TLX3: variants seen among roughly 807,000 people sequenced by gnomAD.
TLX3 encodes T-cell leukemia homeobox protein 3.
In TLX3, 11 loss-of-function variants were observed where a neutral mutation model predicts 19.6. The observed-to-expected ratio is 0.56, with a 90% CI of 0.35 to 0.93. The LOEUF (loss-of-function observed/expected upper bound fraction) is 0.93, where lower values mean the gene tolerates loss of function less well. Among genes scored for constraint, TLX3 ranks in the 40% least tolerant of loss-of-function variants. The pLI is 0.01. For synonymous variants in TLX3, 221 were observed against 188.1 expected (o/e 1.17, Z -1.43); for missense variants, 375 against 418.6 (o/e 0.90, Z 0.91).
Position 171,311,755 on chromosome 5 carries a change from G to T in TLX3, c.*156G>T. ...GCGCGGCCACAGACTGGCGGGCCGC[G>T]GAAGGGGGTAGGGCCCGAGCTCCGC... On this transcript the variant is annotated 3_prime_UTR_variant, in exon 3 of 3. Transcript: ENST00000296921. The surrounding 1 kb of genome is among the most constrained non-coding windows in gnomAD (Gnocchi z 5.1). The T allele has an allele frequency of 3.8e-6, 2 of 524,548 alleles. No individual in the cohort carries two copies. The highest frequency in any genetic ancestry group is 6.5e-6 in the Non-Finnish European group (2 of 308,500). 32.5% of individuals were successfully genotyped at this position (524,548 alleles called of 1,614,324 possible).
Position 171,311,638 on chromosome 5 carries a change from C to G in TLX3, c.*39C>G, listed in dbSNP as rs1178207943. 1.3e-6 allele frequency: 2 copies of G among 1,529,540 alleles called. No homozygotes were observed. The highest frequency in any genetic ancestry group is 1.9e-5 in the Admixed American group (1 of 53,930). The allele number at this position is 1,529,540 out of a possible 1,614,324, so 94.7% of individuals were successfully genotyped here. A position where few individuals can be genotyped will look rare whatever the true frequency, so the allele number is the denominator to read the frequency against. ...CACCGTCGCCACGGATCGCCGCCCC[C>G]ACCCAGCCGGGCGCCCCGGACCCCC... On this transcript the variant is annotated 3_prime_UTR_variant, in exon 3 of 3. Transcript: ENST00000296921. This position sits in a 1 kb window ranked among gnomAD's most constrained non-coding sequence, Gnocchi z 5.1.
chr5:171,309,302 G>T lies in TLX3; in HGVS notation c.-64G>T. 4 of 1,371,588 alleles carry T rather than the reference G, an allele frequency of 2.9e-6. No individual in the cohort carries two copies. Among genetic ancestry groups the T allele is most frequent in the Non-Finnish European group, 3.8e-6 (4 of 1,044,384 alleles). 85.0% of individuals were successfully genotyped at this position (1,371,588 alleles called of 1,614,324 possible). ...GAGAGGCGCCGGGCGCTCCATGGCC[G>T]CGCCGTAACGGGGACCCAGCCGCCT... On this transcript the variant is annotated 5_prime_UTR_variant, in exon 1 of 3. Transcript: ENST00000296921.
chr5:171,311,725 C>A lies in TLX3; in HGVS notation c.*126C>A, dbSNP rs572825290. 5.9e-6 allele frequency: 4 copies of A among 677,776 alleles called. No individual in the cohort carries two copies. The East Asian group carries it at 1.3e-4, about 23-fold the overall frequency. The allele number at this position is 677,776 out of a possible 1,614,324, so 42.0% of individuals were successfully genotyped here. ...AGGGGCCGCCTAGCCCGAGTAGGCC[C>A]CAGGGCGCGGCCACAGACTGGCGGG... On this transcript the variant is annotated 3_prime_UTR_variant, in exon 3 of 3. Coordinates refer to ENST00000296921, the MANE Select transcript of TLX3 (RefSeq NM_021025.4). The surrounding 1 kb of genome is among the most constrained non-coding windows in gnomAD (Gnocchi z 5.1).
chr5:171,309,864 C>T (rs1458053486), intron 1 of TLX3, 78 bp downstream of exon 1: 4 of 1,460,898 alleles, frequency 2.7e-6, no homozygotes, highest in Non-Finnish European at 3.6e-6. Flanking sequence ...CGCTCCACTC[C>T]CGGAAACCAT....
In TLX3 at chr5:171,309,380, C is replaced by A; in HGVS notation, c.15C>A (p.Ala5=). The change falls in exon 1 of 3, where the codon GCC becomes GCA. Residue 5 remains alanine (A), a synonymous_variant. Coordinates refer to ENST00000296921, the MANE Select transcript of TLX3 (RefSeq NM_021025.4). MEAP[A]SAQTPHPHEP... ...GCCCGCCCAGGATGGAGGCGCCCGC[C>A]AGCGCGCAGACCCCGCACCCGCACG... 6.3e-7 allele frequency: 1 copy of A among 1,599,236 alleles called. No homozygotes were observed. Among genetic ancestry groups the A allele is most frequent in the Non-Finnish European group, 8.5e-7 (1 of 1,174,966 alleles).
At position 171,311,216 on chromosome 5, in the gene TLX3, A is replaced by T. The variant is rs1385413226; in HGVS notation, c.666-173A>T. ...CACACAACAAAAACAAATGATCCTAACCGGCTCCCTGGATATAAGAGCCTC... is the reference window on the plus strand; with the variant it reads ...CACACAACAAAAACAAATGATCCTATCCGGCTCCCTGGATATAAGAGCCTC... On this transcript the variant is annotated intron_variant, in intron 2 of 2. Coordinates refer to ENST00000296921, the MANE Select transcript of TLX3 (RefSeq NM_021025.4). This position sits in a 1 kb window ranked among gnomAD's most constrained non-coding sequence, Gnocchi z 5.1. Among the ~76,000 whole-genome samples the T allele has an allele frequency of 1.3e-5, 2 of 151,964 alleles. No homozygotes were observed. The highest frequency in any genetic ancestry group is 4.8e-5 in the African/African-American group (2 of 41,400).
In TLX3 at chr5:171,311,422, G is replaced by T. The variant is rs1769219420; in HGVS notation, c.699G>T (p.Arg233=). The T allele has an allele frequency of 6.4e-7, 1 of 1,565,204 alleles. No individual in the cohort carries two copies. Among genetic ancestry groups the T allele is most frequent in the Non-Finnish European group, 8.6e-7 (1 of 1,156,186 alleles). ...RQTAEEREAE[R]QQASRLMLQL... ...CGGCGGAGGAGCGGGAGGCGGAGCG[G>T]CAGCAGGCGAGCCGGCTCATGCTGC... The change falls in exon 3 of 3, where the codon CGG becomes CGT. Residue 233 remains arginine (R), a synonymous_variant. Transcript: ENST00000296921. This position sits in a 1 kb window ranked among gnomAD's most constrained non-coding sequence, Gnocchi z 5.1.
chr5:171,309,301 C>A lies in TLX3; in HGVS notation c.-65C>A. Reference sequence around the variant, plus strand: ...CGAGAGGCGCCGGGCGCTCCATGGCCGCGCCGTAACGGGGACCCAGCCGCC... The same window carrying A: ...CGAGAGGCGCCGGGCGCTCCATGGCAGCGCCGTAACGGGGACCCAGCCGCC... On this transcript the variant is annotated 5_prime_UTR_variant, in exon 1 of 3. Transcript: ENST00000296921. The A allele has an allele frequency of 7.3e-7, 1 of 1,367,636 alleles. No homozygotes were observed. Among genetic ancestry groups the A allele is most frequent in the Non-Finnish European group, 9.6e-7 (1 of 1,040,562 alleles). The allele number at this position is 1,367,636 out of a possible 1,614,324, so 84.7% of individuals were successfully genotyped here.
At chr5:171,310,544 T>C (rs567590141) in intron 2 of TLX3, 151 bp downstream of exon 2, 2 of 971,770 alleles carry the variant, frequency 2.1e-6, no homozygotes, top group Admixed American at 3.4e-5. Flanking sequence ...CCTTCGCAGA[T>C]TGTACCTCTT....
Position 171,309,499 on chromosome 5 carries a change from G to A in TLX3, c.134G>A (p.Gly45Glu), listed in dbSNP as rs1321591895. The A allele has an allele frequency of 6.3e-7, 1 of 1,579,278 alleles. No homozygotes were observed. Among genetic ancestry groups the A allele is most frequent in the Admixed American group, 1.8e-5 (1 of 54,636 alleles). Residue 45 changes from glycine (G) to glutamate (E), a missense_variant, in exon 1 of 3, where the codon GGA (glycine) becomes GAA (glutamate). Gly to Glu is a moderately conservative substitution (Grantham distance 98). Transcript: ENST00000296921. Reference sequence around the variant, plus strand: ...GGCCCCGACGGCGCCAGCTACCTGGGAGGGCCCCCCGGGGGCCGTCCGGGC... The same window carrying A: ...GGCCCCGACGGCGCCAGCTACCTGGAAGGGCCCCCCGGGGGCCGTCCGGGC... ...PRGPDGASYL[G>E]GPPGGRPGAT...
chr5:171,311,574 T>C lies in TLX3; in HGVS notation c.851T>C (p.Val284Ala). 6.2e-7 allele frequency: 1 copy of C among 1,611,600 alleles called. No individual in the cohort carries two copies. Among genetic ancestry groups the C allele is most frequent in the Non-Finnish European group, 8.5e-7 (1 of 1,179,094 alleles). Residue 284 changes from valine to alanine, a missense_variant, in exon 3 of 3, where the codon GTT becomes GCT. Around this residue, in one of 3 missense-constraint regions of TLX3, gnomAD observed 62 missense variants for 63.1 expected, o/e 0.98. Coordinates refer to ENST00000296921, the MANE Select transcript of TLX3 (RefSeq NM_021025.4). The surrounding 1 kb of genome is among the most constrained non-coding windows in gnomAD (Gnocchi z 5.1). ...CCCTGGGAGGAGGATAGTTCCAAGG[T>C]TCCCGCTGTCACCTCCCTGGTGTGA... is the stretch of plus-strand genomic sequence containing the variant. ...LQPWEEDSSK[V>A]PAVTSLV
intron 2 of TLX3, among the ~76,000 whole-genome samples, chr5:171,310,594 C>T (rs187364485): frequency 5.3e-5 from 8 of 150,158 alleles, no homozygotes; most frequent in East Asian, 2.0e-4. Flanking sequence ...CTCTCTCCAT[C>T]GTGGTCTCCC....
Position 171,311,597 on chromosome 5 carries a change from T to C in TLX3, c.874T>C (p.Ter292ArgextTer80). 1 of 1,605,300 alleles carries C rather than the reference T, an allele frequency of 6.2e-7. No homozygotes were observed. Among genetic ancestry groups the C allele is most frequent in the Non-Finnish European group, 8.5e-7 (1 of 1,175,786 alleles). ...GGTTCCCGCTGTCACCTCCCTGGTG[T>C]GAGCCCACCAGCGCGCACCGTCGCC... ...SKVPAVTSLV* is the reference protein window; with the variant it reads ...SKVPAVTSLVR Residue 292 changes from the stop codon to arginine (R), a stop_lost, in exon 3 of 3, where the codon TGA (stop) becomes CGA (arginine). Coordinates refer to ENST00000296921, the MANE Select transcript of TLX3 (RefSeq NM_021025.4). This position sits in a 1 kb window ranked among gnomAD's most constrained non-coding sequence, Gnocchi z 5.1.
Position 171,311,878 on chromosome 5 carries a change from C to T in TLX3, c.*279C>T. 1 of 290,992 alleles carries T rather than the reference C, an allele frequency of 3.4e-6. No homozygotes were observed. 18.0% of individuals were successfully genotyped at this position (290,992 alleles called of 1,614,324 possible). A position where few individuals can be genotyped will look rare whatever the true frequency, so the allele number is the denominator to read the frequency against. On this transcript the variant is annotated 3_prime_UTR_variant, in exon 3 of 3. Coordinates refer to ENST00000296921, the MANE Select transcript of TLX3 (RefSeq NM_021025.4). This position sits in a 1 kb window ranked among gnomAD's most constrained non-coding sequence, Gnocchi z 5.1. The stretch of plus-strand genomic sequence containing the variant: ...TACGTTTCTCCGCCCCCCGCCCGCA[C>T]CCCCCGGGCCGGGCGCCTGTATTAT...
At chr5:171,310,453 C>T in intron 2 of TLX3, 60 bp downstream of exon 2, 3 of 1,584,632 alleles carry the variant, frequency 1.9e-6, no homozygotes, top group East Asian at 4.5e-5. Context: ...CGCCCCGAGC[C>T]GCAGCCTCGC....
rs770547228 is a variant in TLX3, at chr5:171,311,458, C to T, written c.735C>T (p.His245=). 6.3e-7 allele frequency: 1 copy of T among 1,599,684 alleles called. No individual in the cohort carries two copies. The highest frequency in any genetic ancestry group is 1.1e-5 in the South Asian group (1 of 88,550). ...QASRLMLQLQ[H]DAFQKSLNDS... is the part of the protein sequence containing the mutation. ...GCCGGCTCATGCTGCAGCTGCAACA[C>T]GACGCCTTCCAAAAGAGCCTCAACG... is the stretch of plus-strand genomic sequence containing the variant. The change falls in exon 3 of 3, where the codon CAC becomes CAT. Residue 245 remains histidine, a synonymous_variant. Transcript: ENST00000296921. The surrounding 1 kb of genome is among the most constrained non-coding windows in gnomAD (Gnocchi z 5.1).
rs554226016 is a variant in TLX3 at position 171,309,290 on chromosome 5, C to A, written c.-76C>A. ...TTTCAGTGCGACGAGAGGCGCCGGG[C>A]GCTCCATGGCCGCGCCGTAACGGGG... On this transcript the variant is annotated 5_prime_UTR_variant, in exon 1 of 3. Coordinates refer to ENST00000296921, the MANE Select transcript of TLX3 (RefSeq NM_021025.4). 2.6e-5 allele frequency: 33 copies of A among 1,253,354 alleles called. No individual in the cohort carries two copies. The highest frequency in any genetic ancestry group is 3.3e-5 in the Non-Finnish European group (31 of 945,428). 77.6% of individuals were successfully genotyped at this position (1,253,354 alleles called of 1,614,324 possible).
At chr5:171,310,502 C>T (rs1274822185) in intron 2 of TLX3, 109 bp downstream of exon 2, 22 of 1,365,808 alleles carry the variant, frequency 1.6e-5, no homozygotes, top group South Asian at 1.2e-4. Flanking sequence ...CCCCCGCCCC[C>T]CTCTGCCTCC....
chr5:171,310,209 C>A lies in TLX3; in HGVS notation c.481C>A (p.Arg161=). ...GCGCATCGGCCACCCCTACCAGAAC[C>A]GGACGCCGCCCAAGCGTAAGAAGCC... is the stretch of plus-strand genomic sequence containing the variant. ...TRRIGHPYQN[R]TPPKRKKPRT... Residue 161 remains arginine, a synonymous_variant, in exon 2 of 3, where the codon CGG becomes AGG. Transcript: ENST00000296921. 1 of 1,554,288 alleles carries A rather than the reference C, an allele frequency of 6.4e-7. No individual in the cohort carries two copies.
Sources: allele counts gnomAD v4.1 joint callset (sites outside exome capture counted in the v4.1 genomes callset), GRCh38; gene constraint gnomAD v4.1.1; regional missense constraint gnomAD v4.1.1; non-coding constraint Gnocchi (gnomAD v3.1); transcripts MANE v1.5; gene names NCBI Gene and HGNC (gene_info 2026-07-23, HGNC 2026-07-21).